DNASE1: variants seen among roughly 807,000 people sequenced by gnomAD.
The protein encoded by DNASE1 is deoxyribonuclease 1, also known as deoxyribonuclease-1.
A neutral mutation model predicts 33.9 loss-of-function variants in DNASE1; 40 were observed. That is an observed-to-expected ratio of 1.18 (90% CI 0.92 to 1.54). The LOEUF (loss-of-function observed/expected upper bound fraction) is 1.54, where lower values mean the gene tolerates loss of function less well. DNASE1 is among the 40% of genes most tolerant of loss of function. The pLI, the probability that DNASE1 is intolerant of heterozygous loss-of-function variation, is 0.00. For synonymous variants in DNASE1, 216 were observed against 160.0 expected (o/e 1.35, Z -2.64); for missense variants, 518 against 372.6 (o/e 1.39, Z -3.21).
In DNASE1 at chr16:3,654,895, T is replaced by A; in HGVS notation, c.-151T>A. On this transcript the variant is annotated 5_prime_UTR_variant, in exon 1 of 9. Transcript: ENST00000246949. The stretch of plus-strand genomic sequence containing the variant: ...TGCAGGATCCGGAGCCCAGCAGCAC[T>A]GCCAGGGCCTTGAAGTGCTTCTTCA... 2.3e-6 allele frequency: 1 copy of A among 436,908 alleles called. No individual in the cohort carries two copies. Among genetic ancestry groups the A allele is most frequent in the Non-Finnish European group, 4.0e-6 (1 of 249,934 alleles). The allele number at this position is 436,908 out of a possible 1,614,324, so 27.1% of individuals were successfully genotyped here.
upstream of DNASE1, among the ~76,000 whole-genome samples, chr16:3,650,319 C>G (rs1259855429): frequency 1.3e-5 from 2 of 152,036 alleles, no homozygotes; most frequent in African/African-American, 4.8e-5. Flanking sequence ...ACTCAAGTAT[C>G]AATTTCAGAA....
At chr16:3,642,596 C>T (rs554992067), upstream of DNASE1, among the ~76,000 whole-genome samples, 1 of 152,198 alleles carries the variant, frequency 6.6e-6, no homozygotes, top group Non-Finnish European at 1.5e-5. Flanking sequence ...CTGAGCCCAG[C>T]TCTCGTGGGG....
chr16:3,656,159 T>C lies in DNASE1; in HGVS notation c.294T>C (p.Tyr98=). 1 of 1,614,018 alleles carries C rather than the reference T, an allele frequency of 6.2e-7. No individual in the cohort carries two copies. The highest frequency in any genetic ancestry group is 1.3e-5 in the African/African-American group (1 of 75,006). Residue 98 remains tyrosine (Y), a synonymous_variant, in exon 4 of 9, where the codon TAT becomes TAC. Coordinates refer to ENST00000246949, the MANE Select transcript of DNASE1 (RefSeq NM_005223.4). ...VVSEPLGRNS[Y]KERYLFVYRP... ...GTGAGCCACTGGGACGGAACAGCTA[T>C]AAGGAGCGCTACCTGTTCGTGTACA...
Position 3,655,937 on chromosome 16 carries a change from A to G in DNASE1, c.236A>G (p.Gln79Arg), listed in dbSNP as rs553922255. Residue 79 changes from glutamine (Q) to arginine (R), a missense_variant and splice_region_variant, in exon 3 of 9, where the codon CAG (glutamine) becomes CGG (arginine). Transcript: ENST00000246949. Reference sequence around the variant, plus strand: ...GGGAAGCTGCTGGACAACCTCAATCAGTGGGTGACAGTGGCAGGGTCATAG... The same window carrying G: ...GGGAAGCTGCTGGACAACCTCAATCGGTGGGTGACAGTGGCAGGGTCATAG... ...AVGKLLDNLN[Q>R]DAPDTYHYVV... is the part of the protein sequence containing the mutation. The G allele has an allele frequency of 1.2e-6, 2 of 1,613,658 alleles. No homozygotes were observed. The highest frequency in any genetic ancestry group is 2.2e-5 in the South Asian group (2 of 91,080).
chr16:3,641,216 C>A (rs2042013777), upstream of DNASE1: 4 of 356,830 alleles, frequency 1.1e-5, no homozygotes, highest in East Asian at 1.6e-4. Context: ...AGGGGAGGAG[C>A]TTAGGAAGCC....
At chr16:3,626,420 A>G (rs1039246292) in intron 1 of DNASE1, among the ~76,000 whole-genome samples, 3 of 152,180 alleles carry the variant, frequency 2.0e-5, no homozygotes, top group African/African-American at 7.2e-5. Flanking sequence ...GTTGCTTAAT[A>G]TCAAGTGTTT....
At chr16:3,649,103 G>T (rs758389122) in intron 1 of DNASE1, among the ~76,000 whole-genome samples, 3 of 152,172 alleles carry the variant, frequency 2.0e-5, no homozygotes, top group African/African-American at 7.2e-5. Context: ...GATTGTTTTG[G>T]CAAGAACTCT....
chr16:3,632,606 C>T (rs376539301), intron 1 of DNASE1, among the ~76,000 whole-genome samples: 10 of 144,530 alleles, frequency 6.9e-5, no homozygotes, highest in African/African-American at 1.0e-4. Context: ...TTTTTAAAGA[C>T]GAGAGTTTCA....
At chr16:3,634,263 C>T (rs910897887) in intron 1 of DNASE1, among the ~76,000 whole-genome samples, 14 of 151,970 alleles carry the variant, frequency 9.2e-5, no homozygotes, top group African/African-American at 3.1e-4. Flanking sequence ...GAGTTTCGCT[C>T]TGTCACCCAG....
chr16:3,663,272 C>T (rs955391714), exon 10 of DNASE1: 34 of 1,001,918 alleles, frequency 3.4e-5, no homozygotes, highest in African/African-American at 8.1e-5. Flanking sequence ...GCACCTTCCT[C>T]CAGTCACCAG....
rs569823014 is a variant in DNASE1 at position 3,646,056 on chromosome 16, C to T, written c.-86+3020C>T. 2.0e-3 allele frequency among the ~76,000 whole-genome samples: 310 copies of T among 152,218 alleles called. 1 individual carries two copies. The highest frequency in any genetic ancestry group is 7.2e-3 in the African/African-American group (297 of 41,538). ...AGAAAGAACCCCGAGTAGAGCCAGC[C>T]GAGTAGAGCCAGCCGAGGGCAGATA... On this transcript the variant is annotated intron_variant, in intron 1 of 9. Transcript: ENST00000407479.
chr16:3,641,157 C>G (rs1285318670), upstream of DNASE1: 5 of 391,386 alleles, frequency 1.3e-5, no homozygotes, highest in Non-Finnish European at 2.3e-5. Flanking sequence ...CAGCTCCACG[C>G]TGTGGGGGGC....
At chr16:3,638,355 TG>T (rs2041933180), upstream of DNASE1, among the ~76,000 whole-genome samples, 4 of 152,210 alleles carry the variant, frequency 2.6e-5, no homozygotes, top group African/African-American at 9.7e-5. Context: ...TTCTTTTTTT[TG>T]AGGCGGAGTC....
chr16:3,633,564 C>T (rs1366759339), intron 1 of DNASE1, among the ~76,000 whole-genome samples: 2 of 150,302 alleles, frequency 1.3e-5, no homozygotes, highest in African/African-American at 2.4e-5. Context: ...GCCGAGATGG[C>T]GCCATTGCAC....
chr16:3,662,869 G>C (rs370938126), downstream of DNASE1: 11 of 1,613,138 alleles, frequency 6.8e-6, no homozygotes, highest in Non-Finnish European at 9.3e-6. Context: ...GTCCATCCCC[G>C]GGAAAGCCTC....
intron 1 of DNASE1, among the ~76,000 whole-genome samples, chr16:3,647,502 A>G (rs566102265): frequency 4.1e-4 from 63 of 152,108 alleles, no homozygotes; most frequent in African/African-American, 1.5e-3. Context: ...TTGAACTTCT[A>G]AGCTCTAGCA....
At chr16:3,614,137 T>C (rs185671638) in intron 1 of DNASE1, among the ~76,000 whole-genome samples, 2,062 of 151,858 alleles carry the variant, frequency 0.014, 22 homozygotes, top group South Asian at 0.022. Context: ...TGGTCTCGAT[T>C]TCCTGACCTC....
At chr16:3,658,104 G>T (rs183677967), downstream of DNASE1, 2 of 1,612,366 alleles carry the variant, frequency 1.2e-6, no homozygotes, top group Admixed American at 1.7e-5. Flanking sequence ...CATCTGTGGT[G>T]TCAGTCCTTC....
At chr16:3,640,825 C>G, upstream of DNASE1, 2 of 398,644 alleles carry the variant, frequency 5.0e-6, no homozygotes, top group East Asian at 3.6e-5. Context: ...CTTCCTGTGG[C>G]TGTCACTCCT....
Sources: gnomAD v4.1 joint callset for allele counts (sites outside exome capture counted in the v4.1 genomes callset) on GRCh38, gnomAD v4.1.1 for gene constraint, MANE v1.5 for transcripts, NCBI Gene and HGNC (gene_info 2026-07-23, HGNC 2026-07-21) for gene names.